ERBIN: variants seen among roughly 807,000 people sequenced by gnomAD.
ERBIN encodes erbb2 interacting protein, also known as densin-180-like protein.
In ERBIN, 60 loss-of-function variants were observed where a neutral mutation model predicts 158.4. That is an observed-to-expected ratio of 0.38 (90% CI 0.31 to 0.47). The LOEUF is 0.47. ERBIN is among the 20% of genes least tolerant of loss of function. The pLI, the probability that ERBIN is intolerant of heterozygous loss-of-function variation, is 0.99. For missense variants in ERBIN, 1,610 were observed against 1,648.0 expected (o/e 0.98, Z 0.40); for synonymous variants, 594 against 557.2 (o/e 1.07, Z -0.93).
intron 4 of ERBIN, among the ~76,000 whole-genome samples, chr5:66,001,642 A>T (rs902135970): frequency 3.9e-5 from 6 of 152,338 alleles, no homozygotes; most frequent in Admixed American, 1.3e-4. Context: ...TAGGAAGTAT[A>T]TAATTCTAAG....
intron 1 of ERBIN, among the ~76,000 whole-genome samples, chr5:65,929,976 C>T (rs565538218): frequency 6.6e-6 from 1 of 152,144 alleles, no homozygotes; most frequent in Non-Finnish European, 1.5e-5. Context: ...CACTTTTTAG[C>T]TGTCTCTTCT....
Position 66,046,340 on chromosome 5 carries a change from T to G in ERBIN, c.1603-13T>G, listed in dbSNP as rs769665930. The G allele has an allele frequency of 2.8e-6, 4 of 1,424,360 alleles. No individual in the cohort carries two copies. The highest frequency in any genetic ancestry group is 3.7e-4 in the Middle Eastern group (2 of 5,356). The allele number at this position is 1,424,360 out of a possible 1,614,324, so 88.2% of individuals were successfully genotyped here. A position where few individuals can be genotyped will look rare whatever the true frequency, so the allele number is the denominator to read the frequency against. ...TTAAAGAATATGAGCTCTTTATCTT[T>G]TCTTTTACTTAGACCTCAGAAAGTA... On this transcript the variant is annotated splice_polypyrimidine_tract_variant and intron_variant, in intron 17 of 25. Coordinates refer to ENST00000284037, the MANE Select transcript of ERBIN (RefSeq NM_001253697.2).
At chr5:65,941,637 A>G (rs1008930282) in intron 1 of ERBIN, among the ~76,000 whole-genome samples, 1 of 152,196 alleles carries the variant, frequency 6.6e-6, no homozygotes, top group Admixed American at 6.5e-5. Context: ...TACATGTATG[A>G]TAAACATGTA....
At chr5:66,035,374 CT>C (rs1757298032) in intron 14 of ERBIN, among the ~76,000 whole-genome samples, 2 of 152,140 alleles carry the variant, frequency 1.3e-5, no homozygotes, top group South Asian at 4.1e-4. Flanking sequence ...GCTTCTTTAG[CT>C]TGGTAAATAA....
intron 14 of ERBIN, among the ~76,000 whole-genome samples, chr5:66,032,849 G>A (rs998573313): frequency 6.6e-6 from 1 of 152,176 alleles, no homozygotes; most frequent in Non-Finnish European, 1.5e-5. Flanking sequence ...TGAGAAGAGA[G>A]TAAAAGCAAA....
intron 1 of ERBIN, among the ~76,000 whole-genome samples, chr5:65,977,413 G>C (rs1330475771): frequency 1.3e-5 from 2 of 150,900 alleles, no homozygotes; most frequent in Admixed American, 1.3e-4. Context: ...GGCGGCTGCC[G>C]GGCGGAGGGG....
At chr5:65,948,010 C>CA (rs34947340) in intron 1 of ERBIN, among the ~76,000 whole-genome samples, 94,716 of 134,212 alleles carry the variant, frequency 0.71, 33,810 homozygotes, top group Non-Finnish European at 0.83. Flanking sequence ...AACTGCATTT[C>CA]AAAAAAAAAA....
chr5:66,058,488 C>T (rs1759879372), intron 21 of ERBIN, among the ~76,000 whole-genome samples: 1 of 151,312 alleles, frequency 6.6e-6, no homozygotes, highest in African/African-American at 2.5e-5. Flanking sequence ...TGTAGGTTGC[C>T]TGTTCACTCT....
intron 18 of ERBIN, 92 bp from the exon 19 acceptor site, chr5:66,048,575 T>C: frequency 2.8e-6 from 2 of 725,622 alleles, no homozygotes; most frequent in South Asian, 1.7e-5. Context: ...GTTTATAATA[T>C]TTGTTTTCCC....
chr5:65,940,319 C>G (rs1290459693), intron 1 of ERBIN, among the ~76,000 whole-genome samples: 5 of 150,176 alleles, frequency 3.3e-5, no homozygotes. Flanking sequence ...GGCAACCGCC[C>G]CATATGAGAA....
chr5:66,078,368 A>T, intron 25 of ERBIN, 55 bp from the exon 26 acceptor site: 1 of 1,121,544 alleles, frequency 8.9e-7, no homozygotes, highest in Non-Finnish European at 1.3e-6. Flanking sequence ...ACTTGGCAGA[A>T]ATGCAAATAA....
At chr5:66,000,339 C>G (rs928070289) in intron 4 of ERBIN, among the ~76,000 whole-genome samples, 2 of 152,124 alleles carry the variant, frequency 1.3e-5, no homozygotes, top group African/African-American at 4.8e-5. Context: ...TCTAACCCTA[C>G]AGCATCATTA....
At chr5:65,969,203 G>C (rs931071082) in intron 1 of ERBIN, among the ~76,000 whole-genome samples, 4 of 151,984 alleles carry the variant, frequency 2.6e-5, no homozygotes, top group Admixed American at 2.0e-4. Flanking sequence ...AATAAAACAG[G>C]TAAACAGGAA....
At chr5:65,978,637 T>C (rs1750302512) in intron 1 of ERBIN, among the ~76,000 whole-genome samples, 1 of 152,084 alleles carries the variant, frequency 6.6e-6, no homozygotes. Flanking sequence ...GGAGAGACAT[T>C]GAAGGGATAG....
intron 18 of ERBIN, among the ~76,000 whole-genome samples, chr5:66,048,210 A>G (rs559691323): frequency 6.6e-6 from 1 of 152,016 alleles, no homozygotes; most frequent in South Asian, 2.1e-4. Flanking sequence ...CAGAGACAAT[A>G]TTATGAAATA....
At chr5:65,960,642 G>A (rs1747800968) in intron 1 of ERBIN, among the ~76,000 whole-genome samples, 1 of 152,192 alleles carries the variant, frequency 6.6e-6, no homozygotes, top group Admixed American at 6.5e-5. Flanking sequence ...CTTCATGAAT[G>A]CAACTGCTAC....
At position 65,952,805 on chromosome 5, in the gene ERBIN, C is replaced by T. The variant is rs182166824; in HGVS notation, c.-58+25999C>T. On this transcript the variant is annotated intron_variant, in intron 1 of 25. Transcript: ENST00000284037. Reference sequence around the variant, plus strand: ...TAGCTTAAAGGATCTTATCCAAATGCTTTATTTAGATTGAGATGATTTGGA... The same window carrying T: ...TAGCTTAAAGGATCTTATCCAAATGTTTTATTTAGATTGAGATGATTTGGA... Among the ~76,000 whole-genome samples, 188 of 152,270 alleles carry T rather than the reference C, an allele frequency of 1.2e-3. 1 individual carries two copies. The highest frequency in any genetic ancestry group is 4.4e-3 in the African/African-American group (182 of 41,544).
At chr5:65,963,875 C>T (rs1019723862) in intron 1 of ERBIN, among the ~76,000 whole-genome samples, 15 of 150,846 alleles carry the variant, frequency 9.9e-5, no homozygotes, top group African/African-American at 2.4e-4. Context: ...CTGCAAGCTC[C>T]GCCTCCTGGA....
rs1299242385 is a variant in ERBIN, at chr5:66,018,527, T to TATATTA, written c.534-2795_534-2794insATATTA. Among the ~76,000 whole-genome samples the TATATTA allele has an allele frequency of 4.4e-4, 2 of 4,568 alleles. 1 individual carries two copies. 3.0% of individuals were successfully genotyped at this position (4,568 alleles called of 152,430 possible). A position where few individuals can be genotyped will look rare whatever the true frequency, so the allele number is the denominator to read the frequency against. On this transcript the variant is annotated intron_variant, in intron 7 of 25. Transcript: ENST00000284037. ...TATATTATATATTATATAATATATA[T>TATATTA]TATATTATATAATATATATTATATA...
Sources: allele counts gnomAD v4.1 joint callset (sites outside exome capture counted in the v4.1 genomes callset), GRCh38; gene constraint gnomAD v4.1.1; transcripts MANE v1.5; gene names NCBI Gene and HGNC (gene_info 2026-07-23, HGNC 2026-07-21).